The following ZNF264 variants were observed in gnomAD, a reference collection of about 807,000 sequenced individuals.
The protein encoded by ZNF264 is zinc finger protein 264.
ZNF264 carries 11 observed loss-of-function variants against 11.2 expected under a neutral mutation model. That is an observed-to-expected ratio of 0.98 (90% CI 0.62 to 1.63). The LOEUF is 1.63. ZNF264 is among the 40% of genes most tolerant of loss of function. The pLI, the probability that ZNF264 is intolerant of heterozygous loss-of-function variation, is 0.00. For missense variants in ZNF264, 752 were observed against 768.1 expected (o/e 0.98, Z 0.25); for synonymous variants, 309 against 279.8 (o/e 1.10, Z -1.04).
rs1472152679 is a variant in ZNF264, at chr19:57,213,741, A to C, written c.*760A>C. On this transcript the variant is annotated 3_prime_UTR_variant, in exon 4 of 4. Coordinates refer to ENST00000263095, the MANE Select transcript of ZNF264 (RefSeq NM_003417.5). ...ATTAGTTTGTACTTATTTACAAAAC[A>C]GTCTTGTTCAGATTTTTACAGAAAT... 1.3e-5 allele frequency: 2 copies of C among 152,224 alleles called. No homozygotes were observed. Among genetic ancestry groups the C allele is most frequent in the East Asian group, 3.8e-4 (2 of 5,204 alleles). 9.4% of individuals were successfully genotyped at this position (152,224 alleles called of 1,614,324 possible).
At position 57,212,795 on chromosome 19, in the gene ZNF264, C is replaced by G; in HGVS notation, c.1698C>G (p.Pro566=). 1 of 1,614,084 alleles carries G rather than the reference C, an allele frequency of 6.2e-7. No homozygotes were observed. Among genetic ancestry groups the G allele is most frequent in the Non-Finnish European group, 8.5e-7 (1 of 1,179,930 alleles). ...AAAGGATGCATACTGGGAAAAATCC[C>G]ATCAGTGTAACAGATGTGGGAAGAC... ...QHQRMHTGKN[P]ISVTDVGRPF... is the part of the protein sequence containing the mutation. Residue 566 remains proline, a synonymous_variant, in exon 4 of 4, where the codon CCC becomes CCG. Coordinates refer to ENST00000263095, the MANE Select transcript of ZNF264 (RefSeq NM_003417.5).
chr19:57,199,075 A>G lies in ZNF264; in HGVS notation c.160+5074A>G, dbSNP rs544241372. On this transcript the variant is annotated intron_variant, in intron 2 of 3. Coordinates refer to ENST00000263095, the MANE Select transcript of ZNF264 (RefSeq NM_003417.5). Reference sequence around the variant, plus strand: ...ACACTGTGATTAATTAGCCAACGCCAGAGATCTACATGAGTCAGACTATTC... The same window carrying G: ...ACACTGTGATTAATTAGCCAACGCCGGAGATCTACATGAGTCAGACTATTC... Among the ~76,000 whole-genome samples, 16 of 151,418 alleles carry G rather than the reference A, an allele frequency of 1.1e-4. No homozygotes were observed. In the East Asian group the frequency reaches 2.9e-3, roughly 28 times the overall value.
In ZNF264 at chr19:57,196,824, CCTT is replaced by C. The variant is rs775171225; in HGVS notation, c.160+2828_160+2830del. On this transcript the variant is annotated intron_variant, in intron 2 of 3. Coordinates refer to ENST00000263095, the MANE Select transcript of ZNF264 (RefSeq NM_003417.5). ...TCTTTGTCACCAACTTTCCAGTCAT[CCTT>C]CTTCGAAGTCCCTGACCATCCAGCC... Among the ~76,000 whole-genome samples the C allele has an allele frequency of 1.6e-3, 239 of 152,092 alleles. 2 individuals are homozygous for C. Among genetic ancestry groups the C allele is most frequent in the Admixed American group, 1.4e-3 (21 of 15,282 alleles).
chr19:57,196,344 C>A (rs1295808680), intron 2 of ZNF264, among the ~76,000 whole-genome samples: 1 of 151,962 alleles, frequency 6.6e-6, no homozygotes, highest in East Asian at 1.9e-4. Flanking sequence ...AAACCCATAT[C>A]CAGAGTAAGT....
At chr19:57,202,545 CTG>C (rs1240814036) in intron 2 of ZNF264, among the ~76,000 whole-genome samples, 1 of 151,802 alleles carries the variant, frequency 6.6e-6, no homozygotes. Flanking sequence ...ACCTTTCTGA[CTG>C]TGGGTCTCAT....
chr19:57,195,448 C>G (rs1424632105), intron 2 of ZNF264, among the ~76,000 whole-genome samples: 1 of 152,226 alleles, frequency 6.6e-6, no homozygotes, highest in African/African-American at 2.4e-5. Flanking sequence ...ACCTTCTTCT[C>G]CTGCACATTC....
At chr19:57,207,825 C>G (rs533669608) in intron 3 of ZNF264, among the ~76,000 whole-genome samples, 1 of 151,780 alleles carries the variant, frequency 6.6e-6, no homozygotes, top group African/African-American at 2.4e-5. Flanking sequence ...CTCCCAGGTT[C>G]AAGCGATTCT....
chr19:57,212,637 G>C lies in ZNF264; in HGVS notation c.1540G>C (p.Val514Leu). ...IHSGEKPYECVECGKSFCWST... is the reference protein window; with the variant it reads ...IHSGEKPYECLECGKSFCWST... ...TAGTGGAGAGAAGCCCTATGAATGT[G>C]TTGAGTGTGGGAAATCGTTTTGCTG... is the stretch of plus-strand genomic sequence containing the variant. The change falls in exon 4 of 4, where the codon GTT becomes CTT. Residue 514 changes from valine (V) to leucine (L), a missense_variant. Val to Leu is a conservative substitution (Grantham distance 32). Transcript: ENST00000263095. 1.2e-6 allele frequency: 2 copies of C among 1,613,844 alleles called. No homozygotes were observed. Among genetic ancestry groups the C allele is most frequent in the Non-Finnish European group, 1.7e-6 (2 of 1,179,974 alleles).
chr19:57,193,269 G>A (rs2087188426), intron 1 of ZNF264, among the ~76,000 whole-genome samples: 1 of 152,192 alleles, frequency 6.6e-6, no homozygotes, highest in Non-Finnish European at 1.5e-5. Flanking sequence ...GGTGATGATG[G>A]TGTTGACTGC....
rs1450399105 is a variant in ZNF264 at position 57,217,397 on chromosome 19, G to T, written c.*4416G>T. The stretch of plus-strand genomic sequence containing the variant: ...AGTAATTCCTCTTCAAAAATTGAGC[G>T]CTATGTTGCAAGATGTAATTTTTCT... On this transcript the variant is annotated 3_prime_UTR_variant, in exon 4 of 4. Transcript: ENST00000263095. The T allele has an allele frequency of 6.6e-6, 1 of 151,940 alleles. No homozygotes were observed. Among genetic ancestry groups the T allele is most frequent in the Non-Finnish European group, 1.5e-5 (1 of 67,992 alleles). 9.4% of individuals were successfully genotyped at this position (151,940 alleles called of 1,614,324 possible).
chr19:57,202,133 C>A (rs950313795), intron 2 of ZNF264, among the ~76,000 whole-genome samples: 1 of 151,774 alleles, frequency 6.6e-6, no homozygotes, highest in African/African-American at 2.4e-5. Flanking sequence ...TTGCCTGAGC[C>A]TGGGAGGTAG....
intron 2 of ZNF264, among the ~76,000 whole-genome samples, chr19:57,205,021 C>T (rs1272268706): frequency 2.0e-5 from 3 of 152,086 alleles, no homozygotes; most frequent in Non-Finnish European, 4.4e-5. Flanking sequence ...GTGAGAAAAT[C>T]CTCAGCTGGA....
rs1372895264 is a variant in ZNF264 at position 57,205,437 on chromosome 19, G to C, written c.201G>C (p.Glu67Asp). Residue 67 changes from glutamate to aspartate, a missense_variant, in exon 3 of 4, where the codon GAG becomes GAC. Physicochemically the swap from Glu to Asp is conservative, Grantham distance 45. Transcript: ENST00000263095. ...AAGCTGAGCTGATCTGCCACCTAGAGCATGGGCAGGAGCCATGGACCAGGA... is the reference window on the plus strand; with the variant it reads ...AAGCTGAGCTGATCTGCCACCTAGACCATGGGCAGGAGCCATGGACCAGGA... Reference protein sequence around the residue: ...VPKAELICHLEHGQEPWTRKE... With the variant: ...VPKAELICHLDHGQEPWTRKE... 1 of 1,612,562 alleles carries C rather than the reference G, an allele frequency of 6.2e-7. No individual in the cohort carries two copies. Among genetic ancestry groups the C allele is most frequent in the African/African-American group, 1.3e-5 (1 of 75,036 alleles).
intron 3 of ZNF264, 37 bp downstream of exon 3, chr19:57,205,529 T>A (rs1366339741): frequency 1.3e-6 from 2 of 1,565,486 alleles, no homozygotes; most frequent in Non-Finnish European, 1.7e-6. Flanking sequence ...GAGTCCCTTC[T>A]GGCTTAAGAC....
intron 1 of ZNF264, among the ~76,000 whole-genome samples, chr19:57,192,783 G>A (rs766964256): frequency 2.6e-4 from 40 of 152,222 alleles, no homozygotes; most frequent in Non-Finnish European, 4.7e-4. Flanking sequence ...CCAGGCTGGA[G>A]TACAGTGGTG....
chr19:57,198,495 C>T (rs1312911769), intron 2 of ZNF264, among the ~76,000 whole-genome samples: 2 of 151,882 alleles, frequency 1.3e-5, no homozygotes, highest in African/African-American at 2.4e-5. Context: ...AGCCTTCACC[C>T]TAACAGGGAG....
intron 3 of ZNF264, among the ~76,000 whole-genome samples, chr19:57,209,740 G>A (rs1327801790): frequency 6.6e-6 from 1 of 152,036 alleles, no homozygotes; most frequent in Non-Finnish European, 1.5e-5. Context: ...CACCATGCCT[G>A]GCTAATGTGT....
chr19:57,194,633 G>A (rs757455890), intron 2 of ZNF264: 3 of 380,016 alleles, frequency 7.9e-6, no homozygotes, highest in Non-Finnish European at 9.3e-6. Context: ...GTCTAGGCCA[G>A]TCTAGTCTTT....
intron 2 of ZNF264, among the ~76,000 whole-genome samples, chr19:57,202,194 A>C (rs898930589): frequency 3.3e-5 from 5 of 151,828 alleles, no homozygotes; most frequent in Non-Finnish European, 7.3e-5. Context: ...TGGGCGACAG[A>C]GTGAGACCCT....
Sources: allele counts gnomAD v4.1 joint callset (sites outside exome capture counted in the v4.1 genomes callset), GRCh38; gene constraint gnomAD v4.1.1; transcripts MANE v1.5; gene names NCBI Gene and HGNC (gene_info 2026-07-23, HGNC 2026-07-21).